The following TGFB2 variants were observed in gnomAD, a reference collection of about 807,000 sequenced individuals.
The protein encoded by TGFB2 is transforming growth factor beta-2 proprotein.
TGFB2 carries 13 observed loss-of-function variants against 42.7 expected under a neutral mutation model. That is an observed-to-expected ratio of 0.30 (90% confidence interval 0.20 to 0.48). The LOEUF is 0.48. Among genes scored for constraint, TGFB2 ranks in the 20% least tolerant of loss-of-function variants. The pLI is 0.99. For synonymous variants in TGFB2, 193 were observed against 193.6 expected (o/e 1.00, Z 0.03); for missense variants, 390 against 517.5 (o/e 0.75, Z 2.39).
intron 1 of TGFB2, among the ~76,000 whole-genome samples, chr1:218,402,990 G>A (rs996890463): frequency 6.6e-6 from 1 of 152,158 alleles, no homozygotes; most frequent in Non-Finnish European, 1.5e-5. Context: ...ATGGGGGCGG[G>A]CATATTCCAG....
At chr1:218,394,191 A>G (rs888087085) in intron 1 of TGFB2, among the ~76,000 whole-genome samples, 6 of 152,168 alleles carry the variant, frequency 3.9e-5, no homozygotes, top group East Asian at 3.9e-4. Context: ...TTATAGGCGT[A>G]AGCCACCGCA....
Position 218,346,605 on chromosome 1 carries a change from A to G in TGFB2, c.-97A>G, listed in dbSNP as rs1435567024. The G allele has an allele frequency of 8.6e-7, 1 of 1,159,580 alleles. No individual in the cohort carries two copies. Among genetic ancestry groups the G allele is most frequent in the South Asian group, 1.6e-5 (1 of 61,730 alleles). 71.8% of individuals were successfully genotyped at this position (1,159,580 alleles called of 1,614,324 possible). A position where few individuals can be genotyped will look rare whatever the true frequency, so the allele number is the denominator to read the frequency against. ...GCATCAAAAACAACAACAACAAAAA[A>G]CCAAACAACTCTCCTTGATCTATAC... On this transcript the variant is annotated 5_prime_UTR_variant, in exon 1 of 7. Coordinates refer to ENST00000366930, the MANE Select transcript of TGFB2 (RefSeq NM_003238.6). The surrounding 1 kb of genome is among the most constrained non-coding windows in gnomAD (Gnocchi z 4.9).
chr1:218,438,889 A>T (rs1211421882), intron 6 of TGFB2, among the ~76,000 whole-genome samples: 1 of 152,126 alleles, frequency 6.6e-6, no homozygotes, highest in East Asian at 1.9e-4. Context: ...CAGGTGGATC[A>T]CGAGGTCAGG....
At chr1:218,409,167 G>C (rs924389841) in intron 2 of TGFB2, among the ~76,000 whole-genome samples, 2 of 152,202 alleles carry the variant, frequency 1.3e-5, no homozygotes, top group Non-Finnish European at 2.9e-5. Flanking sequence ...ATGAAGCTTT[G>C]CTTGCTTGCC....
chr1:218,351,859 C>G (rs1290031229), intron 1 of TGFB2, among the ~76,000 whole-genome samples: 1 of 152,122 alleles, frequency 6.6e-6, no homozygotes, highest in Non-Finnish European at 1.5e-5. Context: ...AATGACAGAT[C>G]GTTTTTCCTA....
chr1:218,418,196 G>T (rs575285540), intron 2 of TGFB2, among the ~76,000 whole-genome samples: 2 of 152,346 alleles, frequency 1.3e-5, no homozygotes, highest in South Asian at 2.1e-4. Context: ...CAAGAGGGGG[G>T]CTATACCTTG....
At chr1:218,403,138 G>A (rs1262090322) in intron 1 of TGFB2, among the ~76,000 whole-genome samples, 5 of 152,232 alleles carry the variant, frequency 3.3e-5, no homozygotes, top group African/African-American at 9.6e-5. Context: ...GTGGTGATGC[G>A]GCGGATCATC....
chr1:218,408,959 G>T (rs566260338), intron 2 of TGFB2, among the ~76,000 whole-genome samples: 6 of 152,230 alleles, frequency 3.9e-5, no homozygotes, highest in South Asian at 4.1e-4. Flanking sequence ...ACTATATATG[G>T]TCCCATCTGG....
At chr1:218,385,908 C>T (rs1658119160) in intron 1 of TGFB2, among the ~76,000 whole-genome samples, 1 of 152,150 alleles carries the variant, frequency 6.6e-6, no homozygotes, top group South Asian at 2.1e-4. Flanking sequence ...CTCCCCCAGC[C>T]TTTTCCCCCA....
chr1:218,441,460 C>G lies in TGFB2; in HGVS notation c.*98C>G, dbSNP rs770520991. Reference sequence around the variant, plus strand: ...CTTGTAACAAGAAAACATAAGAGAGCCTTGGTTCATCAGTGTTAAAAAATT... The same window carrying G: ...CTTGTAACAAGAAAACATAAGAGAGGCTTGGTTCATCAGTGTTAAAAAATT... On this transcript the variant is annotated 3_prime_UTR_variant, in exon 7 of 7. Transcript: ENST00000366930. 2 of 1,352,646 alleles carry G rather than the reference C, an allele frequency of 1.5e-6. No individual in the cohort carries two copies. The highest frequency in any genetic ancestry group is 1.5e-5 in the South Asian group (1 of 65,060). 83.8% of individuals were successfully genotyped at this position (1,352,646 alleles called of 1,614,324 possible). A position where few individuals can be genotyped will look rare whatever the true frequency, so the allele number is the denominator to read the frequency against.
intron 1 of TGFB2, among the ~76,000 whole-genome samples, chr1:218,387,950 C>T (rs1032360658): frequency 1.3e-5 from 2 of 152,030 alleles, no homozygotes; most frequent in African/African-American, 4.8e-5. Flanking sequence ...GTCCCCCCAC[C>T]CCCACTGGCA....
At chr1:218,347,951 T>TTTC (rs1656745153) in intron 1 of TGFB2, among the ~76,000 whole-genome samples, 1 of 150,786 alleles carries the variant, frequency 6.6e-6, no homozygotes, top group African/African-American at 2.5e-5. Flanking sequence ...TTTTTTTTTT[T>TTTC]ACTGGCTTCT....
chr1:218,362,139 T>A (rs1422321014), intron 1 of TGFB2, among the ~76,000 whole-genome samples: 2 of 152,178 alleles, frequency 1.3e-5, no homozygotes, highest in Non-Finnish European at 2.9e-5. Flanking sequence ...AAAAATCAAG[T>A]GATAAGAGGC....
In TGFB2 at chr1:218,362,576, T is replaced by C. The variant is rs10482738; in HGVS notation, c.346+15529T>C. On this transcript the variant is annotated intron_variant, in intron 1 of 6. Coordinates refer to ENST00000366930, the MANE Select transcript of TGFB2 (RefSeq NM_003238.6). ...CATCTTCTTCTGCAAAAATTCTATATTTTTATTGACCTTACCACCAATGGA... is the reference window on the plus strand; with the variant it reads ...CATCTTCTTCTGCAAAAATTCTATACTTTTATTGACCTTACCACCAATGGA... Among the ~76,000 whole-genome samples, 36 of 152,364 alleles carry C rather than the reference T, an allele frequency of 2.4e-4. 1 individual carries two copies. Among genetic ancestry groups the C allele is most frequent in the Admixed American group, 2.3e-3 (35 of 15,310 alleles).
intron 2 of TGFB2, among the ~76,000 whole-genome samples, chr1:218,411,892 C>T (rs1251896484): frequency 6.6e-6 from 1 of 151,516 alleles, no homozygotes; most frequent in Non-Finnish European, 1.5e-5. Context: ...ATAGCAGGCC[C>T]AGAAATGACA....
chr1:218,362,855 C>A (rs1454973830), intron 1 of TGFB2, among the ~76,000 whole-genome samples: 1 of 152,158 alleles, frequency 6.6e-6, no homozygotes, highest in African/African-American at 2.4e-5. Flanking sequence ...ATTTTTGACT[C>A]ATTCAAGAAG....
At chr1:218,393,851 G>A (rs1267320398) in intron 1 of TGFB2, among the ~76,000 whole-genome samples, 1 of 151,944 alleles carries the variant, frequency 6.6e-6, no homozygotes, top group Non-Finnish European at 1.5e-5. Flanking sequence ...AAACGTGGGT[G>A]CAGCCATACT....
At chr1:218,414,402 T>C (rs1359674877) in intron 2 of TGFB2, among the ~76,000 whole-genome samples, 1 of 152,160 alleles carries the variant, frequency 6.6e-6, no homozygotes, top group Admixed American at 6.5e-5. Flanking sequence ...TGTGCTCCTG[T>C]TGTACATAAT....
intron 1 of TGFB2, among the ~76,000 whole-genome samples, chr1:218,368,437 T>C (rs1038639078): frequency 7.2e-5 from 11 of 152,188 alleles, no homozygotes; most frequent in Admixed American, 3.3e-4. Flanking sequence ...GTGCCCGGCC[T>C]ATTCAGCTGT....
Sources: allele counts gnomAD v4.1 joint callset (sites outside exome capture counted in the v4.1 genomes callset), GRCh38; gene constraint gnomAD v4.1.1; non-coding constraint Gnocchi (gnomAD v3.1); transcripts MANE v1.5; gene names NCBI Gene and HGNC (gene_info 2026-07-23, HGNC 2026-07-21).